DPP6: variants seen among roughly 807,000 people sequenced by gnomAD.
DPP6 encodes A-type potassium channel modulatory protein DPP6.
A neutral mutation model predicts 122.6 loss-of-function variants in DPP6; 69 were observed. The ratio of observed to expected loss-of-function variants is 0.56; its 90% confidence interval spans 0.46 to 0.69. The LOEUF is 0.69. Among genes scored for constraint, DPP6 ranks in the 30% least tolerant of loss-of-function variants. The pLI is 0.00. For synonymous variants in DPP6, 418 were observed against 433.1 expected (o/e 0.97, Z 0.43); for missense variants, 928 against 1,116.9 (o/e 0.83, Z 2.41).
At chr7:154,579,344 C>T (rs982819602) in intron 5 of DPP6, among the ~76,000 whole-genome samples, 20 of 151,856 alleles carry the variant, frequency 1.3e-4, no homozygotes, top group Non-Finnish European at 2.8e-4. Flanking sequence ...AGCAAAACTC[C>T]GTCTCAAAAT....
intron 1 of DPP6, among the ~76,000 whole-genome samples, chr7:154,417,162 T>C (rs1401239586): frequency 3.3e-5 from 5 of 152,228 alleles, no homozygotes; most frequent in Middle Eastern, 3.2e-3. Context: ...TACTTGACTT[T>C]CGGGTGATCT....
the DPP6 span, among the ~76,000 whole-genome samples, chr7:153,788,762 G>A: frequency 1.3e-5 from 2 of 152,052 alleles, no homozygotes; most frequent in African/African-American, 2.4e-5. Flanking sequence ...TCAGGAGTTC[G>A]AGACCAGCCT....
At chr7:153,964,978 CCCTTCCTTCCTTCCTTCCTTT>C (rs1795607632) in intron 1 of DPP6, among the ~76,000 whole-genome samples, 2 of 71,226 alleles carry the variant, frequency 2.8e-5, no homozygotes, top group African/African-American at 2.0e-4. Context: ...CATTTCTTTT[CCCTTCCTTCCTTCCTTCCTTT>C]CTTCCTTCCT....
At chr7:154,627,214 T>A (rs6980411) in intron 5 of DPP6, among the ~76,000 whole-genome samples, 4 of 122,286 alleles carry the variant, frequency 3.3e-5, no homozygotes, top group Non-Finnish European at 6.6e-5. Flanking sequence ...TTTTTTGAGA[T>A]GGAGTCTCGC....
At chr7:154,431,440 T>G (rs1818361533) in intron 1 of DPP6, among the ~76,000 whole-genome samples, 1 of 83,338 alleles carries the variant, frequency 1.2e-5, no homozygotes, top group African/African-American at 3.9e-5. Flanking sequence ...TGTTTTTCTT[T>G]CCTTTCTTTT....
Position 154,627,895 on chromosome 7 carries a change from A to C in DPP6, c.628-9926A>C, listed in dbSNP as rs1319649235. Among the ~76,000 whole-genome samples the C allele has an allele frequency of 2.6e-5, 4 of 152,214 alleles. No homozygotes were observed. The South Asian group carries it at 8.3e-4, about 32-fold the overall frequency. On this transcript the variant is annotated intron_variant, in intron 5 of 25. Coordinates refer to ENST00000377770, the MANE Select transcript of DPP6 (RefSeq NM_130797.4). ...GGGAAGGGGGCAGTGTGGGTTTTGC[A>C]TGTGGGAGGGACTTAAATAACTTTT...
At chr7:153,786,082 G>T in the DPP6 span, among the ~76,000 whole-genome samples, 2 of 152,152 alleles carry the variant, frequency 1.3e-5, no homozygotes, top group African/African-American at 2.4e-5. Context: ...GGACAGCATT[G>T]TCTTTTGTGC....
chr7:154,146,827 G>A, intron 1 of DPP6, among the ~76,000 whole-genome samples: 1 of 147,174 alleles, frequency 6.8e-6, no homozygotes, highest in East Asian at 1.9e-4. Context: ...CTGCCAGGCA[G>A]GGCCCTGCTC....
At position 154,851,190 on chromosome 7, in the gene DPP6, A is replaced by G. The variant is rs143203982; in HGVS notation, c.1667-2590A>G. Among the ~76,000 whole-genome samples the G allele has an allele frequency of 3.8e-3, 582 of 152,358 alleles. 1 individual carries two copies. Among genetic ancestry groups the G allele is most frequent in the Non-Finnish European group, 5.9e-3 (400 of 68,032 alleles). The stretch of plus-strand genomic sequence containing the variant: ...GATTAAAAGCGACTAATTCAGGCTC[A>G]GTAGCTTTTTTATTGTATGGATGAG... On this transcript the variant is annotated intron_variant, in intron 16 of 25. Transcript: ENST00000377770.
chr7:154,004,025 A>T (rs1405632023), intron 1 of DPP6, among the ~76,000 whole-genome samples: 1 of 152,106 alleles, frequency 6.6e-6, no homozygotes, highest in Non-Finnish European at 1.5e-5. Flanking sequence ...ACATGCTTAG[A>T]TTACTCTTAA....
intron 13 of DPP6, 57 bp from the exon 14 acceptor site, chr7:154,803,807 C>A: frequency 6.3e-7 from 1 of 1,574,834 alleles, no homozygotes; most frequent in Non-Finnish European, 8.6e-7. Context: ...GGATGAAGAG[C>A]CATGCTGGGG....
At chr7:154,702,455 G>A (rs1840580805) in intron 7 of DPP6, among the ~76,000 whole-genome samples, 1 of 152,254 alleles carries the variant, frequency 6.6e-6, no homozygotes, top group African/African-American at 2.4e-5. Flanking sequence ...AAAAGTCTTT[G>A]AAGAAAATTA....
Position 153,898,042 on chromosome 7 carries a change from G to A in DPP6, c.51+10308G>A, listed in dbSNP as rs1042099061. On this transcript the variant is annotated intron_variant, in intron 1 of 25. Transcript: ENST00000404039. ...AAGCCAAGAGCATCAGAGGAGAAAAGGAACCATCAAGAGGTTGGTTAGTGG... is the reference window on the plus strand; with the variant it reads ...AAGCCAAGAGCATCAGAGGAGAAAAAGAACCATCAAGAGGTTGGTTAGTGG... Among the ~76,000 whole-genome samples, 4 of 152,328 alleles carry A rather than the reference G, an allele frequency of 2.6e-5. No homozygotes were observed. In the Middle Eastern group the frequency reaches 0.01, roughly 389 times the overall value.
chr7:154,260,862 G>A (rs1329951910), intron 1 of DPP6, among the ~76,000 whole-genome samples: 1 of 151,592 alleles, frequency 6.6e-6, no homozygotes, highest in East Asian at 1.9e-4. Context: ...TAGTGGGATT[G>A]CTAGATCAAA....
At chr7:154,095,229 G>A (rs1805239579) in intron 1 of DPP6, 1 of 149,192 alleles carries the variant, frequency 6.7e-6, no homozygotes, top group Non-Finnish European at 1.5e-5. Flanking sequence ...ACACGTCCAA[G>A]ACCAGAGTTA....
At chr7:154,805,058 G>A (rs994150774) in intron 15 of DPP6, 94 bp downstream of exon 15, 683 of 1,493,350 alleles carry the variant, frequency 4.6e-4, no homozygotes, top group Non-Finnish European at 4.4e-4. Flanking sequence ...CGGAAAGGGC[G>A]GCAGCAAAGA....
rs1259451753 is a variant in DPP6, at chr7:154,376,410, A to T, written c.244-69804A>T. ...GCCATTTTCCTACCCCTGTGTTTTA[A>T]CAAGTATTCCTGGTGTTTAGAAATA... On this transcript the variant is annotated intron_variant, in intron 1 of 25. Transcript: ENST00000377770. 2.6e-5 allele frequency among the ~76,000 whole-genome samples: 4 copies of T among 152,212 alleles called. No homozygotes were observed. In the East Asian group the frequency reaches 7.7e-4, roughly 29 times the overall value.
chr7:154,881,154 GAAGGA>G (rs1221474256), intron 21 of DPP6: 1 of 806,414 alleles, frequency 1.2e-6, no homozygotes, highest in Admixed American at 3.6e-5. Context: ...ACATTATCTG[GAAGGA>G]AAGAGAAGGG....
chr7:154,631,749 C>T lies in DPP6; in HGVS notation c.628-6072C>T, dbSNP rs1197463812. On this transcript the variant is annotated intron_variant, in intron 5 of 25. Coordinates refer to ENST00000377770, the MANE Select transcript of DPP6 (RefSeq NM_130797.4). ...TTTGTTTTGTTTGTTTGTTTGTTTT[C>T]AATGAGGGAGATTTGAGTTATATTC... Among the ~76,000 whole-genome samples the T allele has an allele frequency of 2.0e-5, 3 of 151,236 alleles. No individual in the cohort carries two copies. The East Asian group carries it at 5.8e-4, about 29-fold the overall frequency.
Sources: allele counts gnomAD v4.1 joint callset (sites outside exome capture counted in the v4.1 genomes callset), GRCh38; gene constraint gnomAD v4.1.1; transcripts MANE v1.5; gene names NCBI Gene and HGNC (gene_info 2026-07-23, HGNC 2026-07-21).